Variants in ANKRD11 observed in about 807,000 individuals in gnomAD.
ANKRD11 encodes the protein ankyrin repeat domain 11, also known as ankyrin repeat domain-containing protein 11.
A neutral mutation model predicts 195.7 loss-of-function variants in ANKRD11; 17 were observed. The observed-to-expected ratio is 0.09, with a 90% CI of 0.06 to 0.13. ANKRD11 has a LOEUF of 0.13. ANKRD11 is among the 10% of genes least tolerant of loss of function. ANKRD11 has a pLI of 1.00. For missense variants in ANKRD11, 3,735 were observed against 3,566.1 expected, an observed-to-expected ratio of 1.05 and a Z score of -1.21; for synonymous variants, 1,953 against 1,528.1, an observed-to-expected ratio of 1.28 and a Z score of -6.49.
Position 89,279,060 on chromosome 16 carries a change from C to A in ANKRD11, c.7470+12G>T. The stretch of plus-strand genomic sequence containing the variant: ...GAGAGAAGGCAGTGGCTCTCCCGGG[C>A]CCCGCACTCACCACGGGGATGTGGA... On this transcript the variant is annotated intron_variant, in intron 9 of 12. Coordinates refer to ENST00000301030, the MANE Select transcript of ANKRD11 (RefSeq NM_013275.6). This position sits in a 1 kb window ranked among gnomAD's most constrained non-coding sequence, Gnocchi z 5.6. 1 of 1,613,640 alleles carries A rather than the reference C, an allele frequency of 6.2e-7. No homozygotes were observed. Among genetic ancestry groups the A allele is most frequent in the South Asian group, 1.1e-5 (1 of 91,028 alleles).
At chr16:89,382,856 T>C (rs1366616371) in intron 2 of ANKRD11, among the ~76,000 whole-genome samples, 2 of 152,046 alleles carry the variant, frequency 1.3e-5, no homozygotes, top group Non-Finnish European at 2.9e-5. Flanking sequence ...TGCCCATTTT[T>C]TGAGACAGAG....
At chr16:89,344,813 C>G (rs1276306265) in intron 2 of ANKRD11, among the ~76,000 whole-genome samples, 2 of 152,184 alleles carry the variant, frequency 1.3e-5, no homozygotes, top group African/African-American at 4.8e-5. Context: ...CAGCTCCCAC[C>G]CAATAGCAGA....
At chr16:89,395,673 T>C (rs1212657989) in intron 2 of ANKRD11, 3 of 152,228 alleles carry the variant, frequency 2.0e-5, no homozygotes, top group African/African-American at 7.2e-5. Flanking sequence ...GTTTGAAAAG[T>C]TGTCAATAAG....
At chr16:89,321,447 G>C (rs1339047568) in intron 2 of ANKRD11, among the ~76,000 whole-genome samples, 1 of 150,808 alleles carries the variant, frequency 6.6e-6, no homozygotes, top group Non-Finnish European at 1.5e-5. Flanking sequence ...GCAGGGTGTG[G>C]GGCGGGAGCT....
intron 1 of ANKRD11, among the ~76,000 whole-genome samples, chr16:89,425,876 T>G (rs2042696750): frequency 6.6e-6 from 1 of 152,142 alleles, no homozygotes; most frequent in Non-Finnish European, 1.5e-5. Flanking sequence ...TTCTTTTTAC[T>G]ACAGGAAAAA....
In ANKRD11 at chr16:89,291,952, C is replaced by CG. The variant is rs553178994; in HGVS notation, c.227-770dup. Among the ~76,000 whole-genome samples, 12 of 152,264 alleles carry CG rather than the reference C, an allele frequency of 7.9e-5. No individual in the cohort carries two copies. In the East Asian group the frequency reaches 1.9e-3, roughly 25 times the overall value. On this transcript the variant is annotated intron_variant, in intron 4 of 12. Coordinates refer to ENST00000301030, the MANE Select transcript of ANKRD11 (RefSeq NM_013275.6). The surrounding 1 kb of genome is among the most constrained non-coding windows in gnomAD (Gnocchi z 5.3). ...TTTTAAAAGAGGCAGGAGGCAGGGG[C>CG]GGGGAAGAGAAGACCCCAAGCACCA...
chr16:89,370,537 TC>T (rs2040148268), intron 2 of ANKRD11: 1 of 152,216 alleles, frequency 6.6e-6, no homozygotes, highest in Non-Finnish European at 1.5e-5. Flanking sequence ...GGAGCACACC[TC>T]CTGCTGATGG....
At chr16:89,372,728 G>T (rs545099223) in intron 2 of ANKRD11, 1 of 152,292 alleles carries the variant, frequency 6.6e-6, no homozygotes, top group East Asian at 1.9e-4. Context: ...TGAGCCCGGG[G>T]ACCCAGGACA....
intron 2 of ANKRD11, among the ~76,000 whole-genome samples, chr16:89,407,736 G>C (rs937033130): frequency 6.6e-6 from 1 of 151,584 alleles, no homozygotes; most frequent in Non-Finnish European, 1.5e-5. Context: ...TGCAGTCCCA[G>C]CTACTTGAGA....
chr16:89,325,540 T>C (rs555139261), intron 2 of ANKRD11, among the ~76,000 whole-genome samples: 2 of 152,120 alleles, frequency 1.3e-5, no homozygotes, highest in Non-Finnish European at 2.9e-5. Flanking sequence ...TTTACATAAA[T>C]TTCTGAAAAT....
intron 1 of ANKRD11, among the ~76,000 whole-genome samples, chr16:89,456,084 A>G (rs530136808): frequency 3.3e-4 from 50 of 152,102 alleles, no homozygotes; most frequent in Non-Finnish European, 7.4e-5. Flanking sequence ...ACTGAAAAAT[A>G]CAAAAAGTAG....
intron 2 of ANKRD11, among the ~76,000 whole-genome samples, chr16:89,400,009 C>G: frequency 6.7e-6 from 1 of 150,016 alleles, no homozygotes; most frequent in Admixed American, 6.6e-5. Flanking sequence ...ATCTGCTGCC[C>G]CAGGCTTCCC....
intron 2 of ANKRD11, among the ~76,000 whole-genome samples, chr16:89,416,302 T>A (rs1214017891): frequency 1.4e-5 from 2 of 147,424 alleles, no homozygotes; most frequent in African/African-American, 5.0e-5. Flanking sequence ...AATCCATCGA[T>A]TTTTTTTTTT....
At chr16:89,455,728 C>T (rs1418228085) in intron 1 of ANKRD11, among the ~76,000 whole-genome samples, 3 of 152,148 alleles carry the variant, frequency 2.0e-5, no homozygotes, top group Admixed American at 1.3e-4. Context: ...CAAAAGAGTG[C>T]CGCAGACTCA....
chr16:89,424,441 CA>C (rs35809345), intron 1 of ANKRD11, among the ~76,000 whole-genome samples: 60 of 142,384 alleles, frequency 4.2e-4, no homozygotes, highest in East Asian at 1.6e-3. Flanking sequence ...AACTCTGTCT[CA>C]AAAAAAAAAA....
chr16:89,488,143 C>T (rs2057682878), intron 1 of ANKRD11, among the ~76,000 whole-genome samples: 1 of 152,040 alleles, frequency 6.6e-6, no homozygotes, highest in South Asian at 2.1e-4. Context: ...AAAAATAGAA[C>T]AGAAGAAAAA....
intron 1 of ANKRD11, among the ~76,000 whole-genome samples, chr16:89,445,660 A>C (rs1856949536): frequency 6.6e-6 from 1 of 152,132 alleles, no homozygotes. Flanking sequence ...AAAATCAGGA[A>C]ATAACTGTAT....
At chr16:89,475,026 G>A (rs2152358238) in intron 1 of ANKRD11, among the ~76,000 whole-genome samples, 2 of 152,318 alleles carry the variant, frequency 1.3e-5, no homozygotes, top group African/African-American at 4.8e-5. Flanking sequence ...GTGAGATGAG[G>A]ACCTCAAGTA....
intron 1 of ANKRD11, among the ~76,000 whole-genome samples, chr16:89,421,496 T>G (rs1309900794): frequency 2.0e-5 from 2 of 101,836 alleles, no homozygotes; most frequent in Middle Eastern, 5.6e-3. Flanking sequence ...GGGGTGGGGC[T>G]GAGACACGAA....
Sources: allele counts gnomAD v4.1 joint callset (sites outside exome capture counted in the v4.1 genomes callset), GRCh38; gene constraint gnomAD v4.1.1; non-coding constraint Gnocchi (gnomAD v3.1); transcripts MANE v1.5; gene names NCBI Gene and HGNC (gene_info 2026-07-23, HGNC 2026-07-21).